FAM168A: variants seen among roughly 807,000 people sequenced by gnomAD.
FAM168A encodes protein FAM168A.
Under a neutral mutation model 28.5 loss-of-function variants are expected in FAM168A, and 3 were observed. That is an observed-to-expected ratio of 0.11 (90% CI 0.05 to 0.27). The LOEUF is 0.27. Ranked by LOEUF, FAM168A falls within the 10% of genes least tolerant of loss-of-function variation. FAM168A has a pLI of 1.00. For missense variants in FAM168A, 222 were observed against 311.5 expected (o/e 0.71, Z 2.16); for synonymous variants, 122 against 124.2 (o/e 0.98, Z 0.12).
chr11:73,484,710 AGATATATATATAGATATATATC>A (rs1868028876), intron 1 of FAM168A, among the ~76,000 whole-genome samples: 1 of 132,058 alleles, frequency 7.6e-6, no homozygotes, highest in South Asian at 2.2e-4. Flanking sequence ...AGATATATAT[AGATATATATATAGATATATATC>A]GATATATAGA....
chr11:73,461,727 G>T (rs1399272504), intron 2 of FAM168A, among the ~76,000 whole-genome samples: 2 of 152,146 alleles, frequency 1.3e-5, no homozygotes, highest in Non-Finnish European at 2.9e-5. Flanking sequence ...AGAGAAAAAC[G>T]ATTATGGCTA....
chr11:73,518,977 G>A (rs1211613452), intron 1 of FAM168A, among the ~76,000 whole-genome samples: 1 of 152,146 alleles, frequency 6.6e-6, no homozygotes, highest in Middle Eastern at 3.2e-3. Flanking sequence ...ATGAGTGGAA[G>A]CAGCCTGAAG....
At chr11:73,565,930 T>C (rs960199238) in intron 1 of FAM168A, among the ~76,000 whole-genome samples, 1 of 152,180 alleles carries the variant, frequency 6.6e-6, no homozygotes, top group Non-Finnish European at 1.5e-5. Context: ...CAGTGGCAGG[T>C]GTGCAGGGCT....
intron 1 of FAM168A, among the ~76,000 whole-genome samples, chr11:73,499,577 T>C (rs1223084139): frequency 2.0e-5 from 3 of 151,990 alleles, no homozygotes; most frequent in African/African-American, 7.3e-5. Flanking sequence ...AAAACTATGA[T>C]GATCAAAAGG....
chr11:73,438,723 G>C (rs1217292586), intron 2 of FAM168A, among the ~76,000 whole-genome samples: 1 of 152,116 alleles, frequency 6.6e-6, no homozygotes, highest in Non-Finnish European at 1.5e-5. Context: ...GAGTGGTTAA[G>C]ATCAGAGAAG....
chr11:73,529,522 G>GGATA (rs1369558427), intron 1 of FAM168A, among the ~76,000 whole-genome samples: 1 of 152,194 alleles, frequency 6.6e-6, no homozygotes, highest in African/African-American at 2.4e-5. Context: ...TTAGGAAAGA[G>GGATA]GATATGTTTA....
intron 1 of FAM168A, among the ~76,000 whole-genome samples, chr11:73,562,437 AGT>A (rs144309612): frequency 0.018 from 2,773 of 152,372 alleles, 65 homozygotes; most frequent in African/African-American, 0.056. Flanking sequence ...TCAAGGAGAA[AGT>A]GTTTTCCATC....
At chr11:73,454,088 T>C (rs1355605199) in intron 2 of FAM168A, among the ~76,000 whole-genome samples, 1 of 152,184 alleles carries the variant, frequency 6.6e-6, no homozygotes, top group Non-Finnish European at 1.5e-5. Flanking sequence ...ACTGTCACTG[T>C]AGGAGAGGGC....
chr11:73,445,417 CTCTTT>C, intron 2 of FAM168A, among the ~76,000 whole-genome samples: 4 of 92,172 alleles, frequency 4.3e-5, no homozygotes, highest in Non-Finnish European at 4.2e-5. Context: ...GTAAAAATGT[CTCTTT>C]TTTTTTTTTT....
intron 2 of FAM168A, among the ~76,000 whole-genome samples, chr11:73,451,135 G>A (rs1477012026): frequency 6.6e-6 from 1 of 152,202 alleles, no homozygotes; most frequent in African/African-American, 2.4e-5. Context: ...TGGGTTACAG[G>A]TTGAGTTGAG....
chr11:73,453,104 C>T (rs1211962614), intron 2 of FAM168A, among the ~76,000 whole-genome samples: 4 of 152,234 alleles, frequency 2.6e-5, no homozygotes, highest in African/African-American at 9.6e-5. Flanking sequence ...CTATTCACTC[C>T]TGCATCAATC....
At chr11:73,431,055 AG>A (rs1437260498) in intron 2 of FAM168A, among the ~76,000 whole-genome samples, 1 of 152,098 alleles carries the variant, frequency 6.6e-6, no homozygotes, top group Non-Finnish European at 1.5e-5. Flanking sequence ...GAAAAAAAAA[AG>A]TAAGTGGCCA....
At position 73,405,881 on chromosome 11, in the gene FAM168A, CAG is replaced by C. The variant is rs979839473; in HGVS notation, c.*880_*881del. On this transcript the variant is annotated 3_prime_UTR_variant, in exon 8 of 8. Coordinates refer to ENST00000356467, the MANE Select transcript of FAM168A (RefSeq NM_015159.3). ...CTCAGAGGCTGAAGTCTGGATGACA[CAG>C]GGCATCCGGCCTTCCAAGGCCTCGG... 2.0e-5 allele frequency: 3 copies of C among 152,550 alleles called. No homozygotes were observed. Among genetic ancestry groups the C allele is most frequent in the Non-Finnish European group, 4.4e-5 (3 of 68,052 alleles). The allele number at this position is 152,550 out of a possible 1,614,324, so 9.4% of individuals were successfully genotyped here.
intron 1 of FAM168A, among the ~76,000 whole-genome samples, chr11:73,594,564 A>T (rs554826538): frequency 3.3e-5 from 5 of 152,194 alleles, no homozygotes; most frequent in Admixed American, 2.0e-4. Context: ...TTTGAGACAG[A>T]GTTTCGCTCT....
intron 2 of FAM168A, among the ~76,000 whole-genome samples, chr11:73,447,417 G>A (rs1867338139): frequency 6.6e-6 from 1 of 151,906 alleles, no homozygotes; most frequent in South Asian, 2.1e-4. Flanking sequence ...GCCAGGCACA[G>A]CAGTGCGCAT....
At chr11:73,549,774 C>T (rs1943804315) in intron 1 of FAM168A, among the ~76,000 whole-genome samples, 1 of 152,152 alleles carries the variant, frequency 6.6e-6, no homozygotes, top group South Asian at 2.1e-4. Context: ...GTGTAATAAC[C>T]CACCATCATC....
intron 1 of FAM168A, among the ~76,000 whole-genome samples, chr11:73,476,256 A>G (rs1194239022): frequency 1.3e-5 from 2 of 152,154 alleles, no homozygotes; most frequent in Admixed American, 1.3e-4. Context: ...AGAACTCCTG[A>G]TCAAACATTG....
At chr11:73,421,617 G>T (rs892113585) in intron 3 of FAM168A, among the ~76,000 whole-genome samples, 2 of 77,662 alleles carry the variant, frequency 2.6e-5, no homozygotes, top group East Asian at 2.1e-4. Flanking sequence ...CTTTTCTTTG[G>T]GGGGGTGGGA....
intron 1 of FAM168A, among the ~76,000 whole-genome samples, chr11:73,596,484 C>T (rs1944440325): frequency 6.6e-6 from 1 of 152,122 alleles, no homozygotes; most frequent in South Asian, 2.1e-4. Context: ...ACCCTTTGGG[C>T]TGACTTGACT....
Sources: gnomAD v4.1 joint callset for allele counts (sites outside exome capture counted in the v4.1 genomes callset) on GRCh38, gnomAD v4.1.1 for gene constraint, MANE v1.5 for transcripts, NCBI Gene and HGNC (gene_info 2026-07-23, HGNC 2026-07-21) for gene names.